The following BMP5 variants were observed in gnomAD, a reference collection of about 807,000 sequenced individuals.
BMP5 encodes the protein bone morphogenetic protein 5.
Under a neutral mutation model 46.6 loss-of-function variants are expected in BMP5, and 23 were observed. The ratio of observed to expected loss-of-function variants is 0.49; its 90% CI spans 0.35 to 0.70. The LOEUF is 0.70. Ranked by LOEUF, BMP5 falls within the 30% of genes least tolerant of loss-of-function variation. BMP5 has a pLI of 0.00. For missense variants in BMP5, 545 were observed against 565.6 expected, an observed-to-expected ratio of 0.96 and a Z score of 0.37; for synonymous variants, 204 against 191.9, an observed-to-expected ratio of 1.06 and a Z score of -0.52.
At chr6:55,763,977 C>A (rs67001898) in intron 4 of BMP5, among the ~76,000 whole-genome samples, 7,856 of 151,976 alleles carry the variant, frequency 0.052, 222 homozygotes, top group Non-Finnish European at 0.063. Flanking sequence ...TGGTAAAACA[C>A]AAAAATTCCT....
chr6:55,800,042 A>G (rs1212392207), intron 2 of BMP5, among the ~76,000 whole-genome samples: 1 of 152,218 alleles, frequency 6.6e-6, no homozygotes, highest in Non-Finnish European at 1.5e-5. Flanking sequence ...CAACAAACAC[A>G]CATGTATACA....
At chr6:55,827,175 G>T (rs1423189251) in intron 1 of BMP5, among the ~76,000 whole-genome samples, 1 of 151,718 alleles carries the variant, frequency 6.6e-6, no homozygotes, top group Non-Finnish European at 1.5e-5. Flanking sequence ...TGTATTATGA[G>T]ATGGATGCCA....
At chr6:55,758,922 G>T in intron 6 of BMP5, 83 bp downstream of exon 6, 3 of 965,922 alleles carry the variant, frequency 3.1e-6, no homozygotes, top group Non-Finnish European at 3.4e-6. Flanking sequence ...CATTAAAATT[G>T]TAAATAGATG....
intron 2 of BMP5, among the ~76,000 whole-genome samples, chr6:55,817,137 T>A (rs1295214932): frequency 1.3e-5 from 2 of 152,110 alleles, no homozygotes; most frequent in Non-Finnish European, 2.9e-5. Flanking sequence ...TAGGAACACT[T>A]TTACACTGTT....
At chr6:55,780,218 G>A (rs1239461871) in intron 3 of BMP5, among the ~76,000 whole-genome samples, 1 of 49,132 alleles carries the variant, frequency 2.0e-5, no homozygotes, top group East Asian at 6.9e-4. Context: ...ATAAGTAAAG[G>A]GGAAAAAAAA....
At chr6:55,803,818 A>T (rs1775916072) in intron 2 of BMP5, among the ~76,000 whole-genome samples, 1 of 152,220 alleles carries the variant, frequency 6.6e-6, no homozygotes, top group South Asian at 2.1e-4. Flanking sequence ...CTCCAAAGGC[A>T]TGAGAAAGAC....
chr6:55,819,241 A>G (rs1055683981), intron 2 of BMP5, among the ~76,000 whole-genome samples: 31 of 152,196 alleles, frequency 2.0e-4, no homozygotes, highest in Non-Finnish European at 2.9e-5. Context: ...AAATGAACAT[A>G]CAATTTTTAC....
intron 1 of BMP5, among the ~76,000 whole-genome samples, chr6:55,861,489 T>C (rs1220045192): frequency 6.6e-6 from 1 of 152,248 alleles, no homozygotes; most frequent in Non-Finnish European, 1.5e-5. Context: ...CTTTTAAAAG[T>C]GGGAATCAAT....
chr6:55,807,885 C>T lies in BMP5; in HGVS notation c.683+11770G>A, dbSNP rs1046745526. On this transcript the variant is annotated intron_variant, in intron 2 of 6. Coordinates refer to ENST00000370830, the MANE Select transcript of BMP5 (RefSeq NM_021073.4). ...GTACTGACATGTGTTTATATACTGA[C>T]ATGATGCCAGTAGGAACGCTCCTGT... Among the ~76,000 whole-genome samples, 15 of 152,146 alleles carry T rather than the reference C, an allele frequency of 9.9e-5. 1 individual carries two copies. Among genetic ancestry groups the T allele is most frequent in the Admixed American group, 7.9e-4 (12 of 15,266 alleles).
intron 4 of BMP5, among the ~76,000 whole-genome samples, chr6:55,763,642 T>G (rs1774839072): frequency 6.6e-6 from 1 of 152,202 alleles, no homozygotes; most frequent in South Asian, 2.1e-4. Context: ...ATTCTACTGT[T>G]AATGAGCCTG....
intron 3 of BMP5, among the ~76,000 whole-genome samples, chr6:55,793,719 A>G (rs764029450): frequency 6.6e-6 from 1 of 152,196 alleles, no homozygotes; most frequent in Non-Finnish European, 1.5e-5. Flanking sequence ...GCAATATGTA[A>G]AGAACTAACT....
At chr6:55,781,335 C>T (rs971989625) in intron 3 of BMP5, among the ~76,000 whole-genome samples, 10 of 152,164 alleles carry the variant, frequency 6.6e-5, no homozygotes, top group East Asian at 3.9e-4. Context: ...TCTTTTCCTT[C>T]AGAAGCCTGG....
At chr6:55,850,095 T>G (rs1777192850) in intron 1 of BMP5, among the ~76,000 whole-genome samples, 1 of 152,122 alleles carries the variant, frequency 6.6e-6, no homozygotes, top group Non-Finnish European at 1.5e-5. Context: ...TCACCTTTCC[T>G]TGAAAAATCT....
At chr6:55,775,210 G>A (rs1216767949) in intron 3 of BMP5, among the ~76,000 whole-genome samples, 2 of 151,832 alleles carry the variant, frequency 1.3e-5, no homozygotes, top group African/African-American at 4.8e-5. Context: ...CTCCCATGTG[G>A]GTAGTAATAA....
At chr6:55,770,973 T>C (rs1417534697) in intron 4 of BMP5, among the ~76,000 whole-genome samples, 2 of 151,692 alleles carry the variant, frequency 1.3e-5, no homozygotes, top group Non-Finnish European at 2.9e-5. Flanking sequence ...CCATAACAAA[T>C]ATAATAATAA....
chr6:55,832,081 T>C (rs1211627207), intron 1 of BMP5, among the ~76,000 whole-genome samples: 1 of 152,148 alleles, frequency 6.6e-6, no homozygotes, highest in African/African-American at 2.4e-5. Flanking sequence ...ATTTACCATT[T>C]GTACCATCTT....
intron 4 of BMP5, among the ~76,000 whole-genome samples, chr6:55,770,373 T>C (rs1453270723): frequency 6.6e-6 from 1 of 151,972 alleles, no homozygotes; most frequent in Admixed American, 6.6e-5. Flanking sequence ...TCTGCTACTT[T>C]CAGACTTTTC....
intron 1 of BMP5, among the ~76,000 whole-genome samples, chr6:55,833,765 T>C (rs560722742): frequency 6.6e-6 from 1 of 152,262 alleles, no homozygotes; most frequent in Non-Finnish European, 1.5e-5. Context: ...AACTAAAGGA[T>C]ATAGTGTCTC....
chr6:55,868,704 A>G (rs1041176550), intron 1 of BMP5, among the ~76,000 whole-genome samples: 1 of 152,182 alleles, frequency 6.6e-6, no homozygotes, highest in Non-Finnish European at 1.5e-5. Context: ...TTGGTTATGC[A>G]GATTGTTTTA....
Sources: gnomAD v4.1 joint callset for allele counts (sites outside exome capture counted in the v4.1 genomes callset) on GRCh38, gnomAD v4.1.1 for gene constraint, MANE v1.5 for transcripts, NCBI Gene and HGNC (gene_info 2026-07-23, HGNC 2026-07-21) for gene names.